Variants in METTL24 observed in about 807,000 individuals in gnomAD.
The protein encoded by METTL24 is methyltransferase like 24.
In METTL24, 29 loss-of-function variants were observed where a neutral mutation model predicts 32.7. That is an observed-to-expected ratio of 0.89 (90% confidence interval 0.66 to 1.21). The LOEUF (loss-of-function observed/expected upper bound fraction) is 1.21, where lower values mean the gene tolerates loss of function less well. Among genes scored for constraint, METTL24 ranks in the 50% most tolerant of loss-of-function variants. METTL24 has a pLI of 0.00. For missense variants in METTL24, 439 were observed against 468.1 expected (o/e 0.94, Z 0.57); for synonymous variants, 163 against 179.5 (o/e 0.91, Z 0.73).
intron 4 of METTL24, among the ~76,000 whole-genome samples, chr6:110,249,993 C>G (rs1778247486): frequency 6.6e-6 from 1 of 151,918 alleles, no homozygotes; most frequent in Non-Finnish European, 1.5e-5. Flanking sequence ...TGAGAATTTT[C>G]ATTTTTAACT....
rs976766744 is a variant in METTL24 at position 110,270,964 on chromosome 6, A to C, written c.787-24704T>G. On this transcript the variant is annotated intron_variant, in intron 4 of 4. Transcript: ENST00000338882. ...GTGATTCTCCTGCCTCAGCCTCCCG[A>C]GTAGCTTGGACTATATGCGTGCGCC... is the stretch of plus-strand genomic sequence containing the variant. Among the ~76,000 whole-genome samples the C allele has an allele frequency of 1.0e-4, 15 of 150,712 alleles. No homozygotes were observed. The East Asian group carries it at 3.0e-3, about 30-fold the overall frequency.
At chr6:110,268,004 C>G (rs996383077) in intron 4 of METTL24, among the ~76,000 whole-genome samples, 5 of 152,198 alleles carry the variant, frequency 3.3e-5, no homozygotes, top group Non-Finnish European at 7.3e-5. Context: ...AAACGCCTCA[C>G]ACCAGGTCCT....
At chr6:110,252,185 T>A (rs1301789926) in intron 4 of METTL24, among the ~76,000 whole-genome samples, 1 of 152,156 alleles carries the variant, frequency 6.6e-6, no homozygotes, top group East Asian at 1.9e-4. Context: ...GGGATTCAGT[T>A]TCAGCATGAA....
intron 4 of METTL24, among the ~76,000 whole-genome samples, chr6:110,298,337 T>C (rs1771458218): frequency 1.3e-5 from 2 of 152,250 alleles, no homozygotes; most frequent in Admixed American, 1.3e-4. Flanking sequence ...TCTTTTTTGC[T>C]GTCCATTCAT....
At chr6:110,261,323 T>C (rs541316008) in intron 4 of METTL24, among the ~76,000 whole-genome samples, 129 of 152,230 alleles carry the variant, frequency 8.5e-4, no homozygotes, top group African/African-American at 3.0e-3. Context: ...AATCCTAGTC[T>C]CTGATAAAAC....
chr6:110,287,371 G>A (rs775142773), intron 4 of METTL24, among the ~76,000 whole-genome samples: 32 of 152,174 alleles, frequency 2.1e-4, no homozygotes, highest in Non-Finnish European at 3.8e-4. Flanking sequence ...CACCATGAAT[G>A]ACTCATTACT....
intron 4 of METTL24, among the ~76,000 whole-genome samples, chr6:110,296,570 T>G (rs1221062807): frequency 1.3e-5 from 2 of 152,228 alleles, no homozygotes; most frequent in African/African-American, 4.8e-5. Flanking sequence ...TGTCACTATC[T>G]CAGAATACTG....
chr6:110,327,897 T>G (rs373515308), intron 1 of METTL24, among the ~76,000 whole-genome samples: 1 of 152,170 alleles, frequency 6.6e-6, no homozygotes, highest in Non-Finnish European at 1.5e-5. Flanking sequence ...GTTTCAAATA[T>G]CAAGTGGCCA....
At position 110,280,525 on chromosome 6, in the gene METTL24, T is replaced by TA. The variant is rs577608171; in HGVS notation, c.786+18396dup. Among the ~76,000 whole-genome samples, 135 of 152,272 alleles carry TA rather than the reference T, an allele frequency of 8.9e-4. 3 individuals are homozygous for TA. The highest frequency in any genetic ancestry group is 3.0e-3 in the African/African-American group (125 of 41,568). ...TGTAGATGAAATGTTTAATACTATGTAAAAATGTTCAAGATATTTTAAGTT... is the reference window on the plus strand; with the variant it reads ...TGTAGATGAAATGTTTAATACTATGTAAAAAATGTTCAAGATATTTTAAGTT... On this transcript the variant is annotated intron_variant, in intron 4 of 4. Transcript: ENST00000338882.
intron 4 of METTL24, among the ~76,000 whole-genome samples, chr6:110,276,063 A>G (rs1013412204): frequency 6.6e-6 from 1 of 152,056 alleles, no homozygotes; most frequent in South Asian, 2.1e-4. Context: ...ATACACCAAC[A>G]TTTCTCCCTT....
intron 1 of METTL24, among the ~76,000 whole-genome samples, chr6:110,337,351 T>G (rs1772257379): frequency 6.6e-6 from 1 of 152,116 alleles, no homozygotes; most frequent in African/African-American, 2.4e-5. Flanking sequence ...GATGAAATAA[T>G]CTGTACAACA....
At position 110,262,919 on chromosome 6, in the gene METTL24, G is replaced by A. The variant is rs898251023; in HGVS notation, c.787-16659C>T. 7.2e-5 allele frequency among the ~76,000 whole-genome samples: 11 copies of A among 152,138 alleles called. No individual in the cohort carries two copies. The South Asian group carries it at 2.3e-3, about 32-fold the overall frequency. On this transcript the variant is annotated intron_variant, in intron 4 of 4. Transcript: ENST00000338882. The stretch of plus-strand genomic sequence containing the variant: ...AAAAGGCCTTTGACAAAATTCAACA[G>A]CCCTTCATGCTAAAAACTCTCAATA...
rs1157409246 is a variant in METTL24, at chr6:110,358,045, C to A, written c.228G>T (p.Val76=). ...CCGGCGGCGCCCGGCGACCGCTGCG[C>A]ACGTAGGTCACCTGCCTCCTGCTGG... ...RGASRRQVTY[V]RSGRRAPPGG... The change falls in exon 1 of 5, where the codon GTG becomes GTT. Residue 76 remains valine (V), a synonymous_variant. Transcript: ENST00000338882. The A allele has an allele frequency of 9.1e-7, 1 of 1,099,734 alleles. No individual in the cohort carries two copies. The highest frequency in any genetic ancestry group is 1.1e-6 in the Non-Finnish European group (1 of 905,092). The allele number at this position is 1,099,734 out of a possible 1,614,324, so 68.1% of individuals were successfully genotyped here.
At chr6:110,270,024 G>A (rs147351381) in intron 4 of METTL24, among the ~76,000 whole-genome samples, 140 of 152,178 alleles carry the variant, frequency 9.2e-4, no homozygotes, top group African/African-American at 3.3e-3. Flanking sequence ...GATATGAATC[G>A]ACATGCTGGG....
rs559808849 is a variant in METTL24, at chr6:110,334,523, G to C, written c.319-11651C>G. On this transcript the variant is annotated intron_variant, in intron 1 of 4. Coordinates refer to ENST00000338882, the MANE Select transcript of METTL24 (RefSeq NM_001123364.3). ...CAGTTGTAGACACTGGATGGTGCTT[G>C]AATCCTCTCCTCTGAGACAGGACAA... 1.7e-3 allele frequency among the ~76,000 whole-genome samples: 254 copies of C among 152,272 alleles called. 1 individual carries two copies. Among genetic ancestry groups the C allele is most frequent in the African/African-American group, 5.7e-3 (237 of 41,554 alleles).
intron 4 of METTL24, among the ~76,000 whole-genome samples, chr6:110,293,761 A>C (rs1771362208): frequency 6.6e-6 from 1 of 152,098 alleles, no homozygotes; most frequent in Admixed American, 6.5e-5. Context: ...GGAAGAAGGT[A>C]GGTGTTTTTA....
rs1404763963 is a variant in METTL24, at chr6:110,286,579, C to G, written c.786+12343G>C. On this transcript the variant is annotated intron_variant, in intron 4 of 4. Coordinates refer to ENST00000338882, the MANE Select transcript of METTL24 (RefSeq NM_001123364.3). ...GGAGTGGTCTCCAGATTCCAGAACA[C>G]CATGTACATACAACCTTGCCATTCA... Among the ~76,000 whole-genome samples the G allele has an allele frequency of 2.6e-5, 4 of 152,202 alleles. No homozygotes were observed. The East Asian group carries it at 7.7e-4, about 29-fold the overall frequency.
intron 4 of METTL24, among the ~76,000 whole-genome samples, chr6:110,264,987 G>T (rs1426436019): frequency 2.6e-5 from 4 of 151,990 alleles, no homozygotes; most frequent in Non-Finnish European, 5.9e-5. Flanking sequence ...TGGGGGTAGT[G>T]GGGAGGGATA....
In METTL24 at chr6:110,245,220, G is replaced by A. The variant is rs1778130884; in HGVS notation, c.*726C>T. Among the ~76,000 whole-genome samples the A allele has an allele frequency of 6.6e-6, 1 of 152,198 alleles. No individual in the cohort carries two copies. The highest frequency in any genetic ancestry group is 2.1e-4 in the South Asian group (1 of 4,830). Reference sequence around the variant, plus strand: ...ATTCAACCAGTTGAAGGCCTGAATAGAACCTAAGGCAGTAAGGAAGAATTA... The same window carrying A: ...ATTCAACCAGTTGAAGGCCTGAATAAAACCTAAGGCAGTAAGGAAGAATTA... On this transcript the variant is annotated 3_prime_UTR_variant, in exon 5 of 5. Coordinates refer to ENST00000338882, the MANE Select transcript of METTL24 (RefSeq NM_001123364.3).
Sources: allele counts gnomAD v4.1 joint callset (sites outside exome capture counted in the v4.1 genomes callset), GRCh38; gene constraint gnomAD v4.1.1; transcripts MANE v1.5; gene names NCBI Gene and HGNC (gene_info 2026-07-23, HGNC 2026-07-21).